PDE10A: variants seen among roughly 807,000 people sequenced by gnomAD.
PDE10A encodes cAMP and cAMP-inhibited cGMP 3',5'-cyclic phosphodiesterase 10A.
Under a neutral mutation model 97.7 loss-of-function variants are expected in PDE10A, and 39 were observed. The ratio of observed to expected loss-of-function variants is 0.40; its 90% CI spans 0.31 to 0.52. The LOEUF (loss-of-function observed/expected upper bound fraction) is 0.52, where lower values mean the gene tolerates loss of function less well. Among genes scored for constraint, PDE10A ranks in the 20% least tolerant of loss-of-function variants. The probability of loss-of-function intolerance (pLI) is 0.56; values close to 1 mark genes in which losing one functional copy is unlikely to be tolerated. For missense variants in PDE10A, 731 were observed against 1,047.8 expected (o/e 0.70, Z 4.17); for synonymous variants, 371 against 376.8 (o/e 0.98, Z 0.18).
At chr6:165,487,301 A>G (rs1379550623) in intron 2 of PDE10A, among the ~76,000 whole-genome samples, 1 of 152,122 alleles carries the variant, frequency 6.6e-6, no homozygotes, top group African/African-American at 2.4e-5. Flanking sequence ...GACTAAAATG[A>G]GATTACAGAG....
chr6:165,794,145 TCACA>T (rs1180696977), intron 1 of PDE10A, among the ~76,000 whole-genome samples: 8 of 149,606 alleles, frequency 5.3e-5, no homozygotes, highest in Non-Finnish European at 1.2e-4. Flanking sequence ...TCACACTCAC[TCACA>T]CACACTCACT....
At chr6:165,544,194 C>T (rs958561634) in intron 1 of PDE10A, among the ~76,000 whole-genome samples, 1 of 152,102 alleles carries the variant, frequency 6.6e-6, no homozygotes, top group Non-Finnish European at 1.5e-5. Context: ...CTTTTATTGC[C>T]TTACAACACA....
At chr6:165,540,718 C>T (rs1783383451) in intron 2 of PDE10A, among the ~76,000 whole-genome samples, 3 of 152,224 alleles carry the variant, frequency 2.0e-5, no homozygotes, top group African/African-American at 4.8e-5. Flanking sequence ...CAACCCACAC[C>T]TCCCAGGTTC....
Position 165,563,490 on chromosome 6 carries a change from T to C in PDE10A, c.866-19922A>G, listed in dbSNP as rs114412622. Among the ~76,000 whole-genome samples, 1,336 of 152,268 alleles carry C rather than the reference T, an allele frequency of 8.8e-3. 16 individuals carry two copies. Among genetic ancestry groups the C allele is most frequent in the African/African-American group, 0.031 (1,284 of 41,532 alleles). ...GAATGTTTCTTGAGTGATGCAGCCTTTCTCACCTATTTATCTAACATATAA... is the reference window on the plus strand; with the variant it reads ...GAATGTTTCTTGAGTGATGCAGCCTCTCTCACCTATTTATCTAACATATAA... On this transcript the variant is annotated intron_variant, in intron 1 of 21. Transcript: ENST00000539869.
intron 1 of PDE10A, among the ~76,000 whole-genome samples, chr6:165,884,239 G>A (rs960992763): frequency 1.3e-5 from 2 of 152,220 alleles, no homozygotes; most frequent in Non-Finnish European, 2.9e-5. Context: ...GCAAGGGTGG[G>A]GGACAGGAAG....
At chr6:165,697,429 C>A (rs895217512) in intron 1 of PDE10A, among the ~76,000 whole-genome samples, 4 of 152,162 alleles carry the variant, frequency 2.6e-5, no homozygotes, top group African/African-American at 9.7e-5. Context: ...AAAATAAATA[C>A]CTTTTCAGAC....
At chr6:165,942,259 T>C (rs1562808841) in intron 1 of PDE10A, among the ~76,000 whole-genome samples, 1 of 151,600 alleles carries the variant, frequency 6.6e-6, no homozygotes, top group African/African-American at 2.4e-5. Context: ...AAAATGCCAG[T>C]TTATGATTTT....
At chr6:165,764,794 C>A (rs976401316) in intron 1 of PDE10A, among the ~76,000 whole-genome samples, 2 of 152,160 alleles carry the variant, frequency 1.3e-5, no homozygotes, top group Non-Finnish European at 2.9e-5. Flanking sequence ...CGTGAAAGAA[C>A]AAACCTTCCA....
intron 1 of PDE10A, among the ~76,000 whole-genome samples, chr6:165,772,880 G>A (rs1778053651): frequency 6.6e-6 from 1 of 152,200 alleles, no homozygotes; most frequent in Admixed American, 6.5e-5. Context: ...CCTGCAAAAT[G>A]CAGAGACTCC....
rs182358937 is a variant in PDE10A, at chr6:165,736,029, G to T, written c.-614-192461C>A. ...TAAGCATTAACATAGACTTTTTTAC[G>T]CTATTATTCAGGAGTAATGGCAAAA... On this transcript the variant is annotated intron_variant, in intron 1 of 19. Coordinates refer to the PDE10A transcript ENST00000366882. 2.0e-5 allele frequency among the ~76,000 whole-genome samples: 3 copies of T among 152,228 alleles called. No individual in the cohort carries two copies. In the East Asian group the frequency reaches 5.8e-4, roughly 29 times the overall value.
At chr6:165,422,973 A>G (rs1788829996) in intron 10 of PDE10A, among the ~76,000 whole-genome samples, 1 of 152,220 alleles carries the variant, frequency 6.6e-6, no homozygotes, top group African/African-American at 2.4e-5. Flanking sequence ...TTCATTTATT[A>G]TCTTGTTGGT....
chr6:165,768,729 C>G (rs953153253), intron 1 of PDE10A, among the ~76,000 whole-genome samples: 4 of 152,074 alleles, frequency 2.6e-5, no homozygotes, highest in African/African-American at 9.7e-5. Flanking sequence ...TCACTTTTCC[C>G]TGAATGTCAT....
At chr6:165,511,293 TG>T (rs1781492992) in intron 2 of PDE10A, among the ~76,000 whole-genome samples, 1 of 152,006 alleles carries the variant, frequency 6.6e-6, no homozygotes, top group Admixed American at 6.6e-5. Flanking sequence ...AATGGTTATT[TG>T]GGAGTATCTT....
chr6:165,385,226 T>C (rs1004542221), intron 17 of PDE10A, among the ~76,000 whole-genome samples: 2 of 151,850 alleles, frequency 1.3e-5, no homozygotes, highest in African/African-American at 2.4e-5. Context: ...AAGGGAAAAA[T>C]GATGACTCTA....
intron 3 of PDE10A, among the ~76,000 whole-genome samples, chr6:165,475,039 C>A (rs1779219242): frequency 2.0e-5 from 3 of 152,152 alleles, no homozygotes; most frequent in Admixed American, 6.5e-5. Context: ...CACACATCTG[C>A]CAGGCTGGCC....
chr6:165,564,521 A>G (rs896567820), intron 1 of PDE10A, among the ~76,000 whole-genome samples: 2 of 152,210 alleles, frequency 1.3e-5, no homozygotes, highest in Non-Finnish European at 2.9e-5. Flanking sequence ...AATATCACCT[A>G]TGGCCACCTG....
intron 1 of PDE10A, among the ~76,000 whole-genome samples, chr6:165,623,931 G>T (rs57345708): frequency 0.1 from 15,972 of 152,192 alleles, 930 homozygotes; most frequent in Non-Finnish European, 0.13. Flanking sequence ...ATGCTTCTCT[G>T]GTTGCCTGCC....
intron 1 of PDE10A, among the ~76,000 whole-genome samples, chr6:165,670,752 C>T (rs1402158713): frequency 6.6e-6 from 1 of 152,104 alleles, no homozygotes; most frequent in Admixed American, 6.5e-5. Context: ...AAGGGGTAAA[C>T]AGGGTTTAAG....
In PDE10A at chr6:165,546,192, T is replaced by C. The variant is rs147017703; in HGVS notation, c.866-2624A>G. On this transcript the variant is annotated intron_variant, in intron 1 of 21. Coordinates refer to ENST00000539869, the MANE Select transcript of PDE10A (RefSeq NM_001385079.1). ...GATACATATTACACAATTCCAACTA[T>C]ACAACACTGGAGAAAAGGCATAAGC... is the stretch of plus-strand genomic sequence containing the variant. 5.1e-4 allele frequency among the ~76,000 whole-genome samples: 77 copies of C among 152,098 alleles called. 4 individuals carry two copies. The East Asian group carries it at 0.014, about 28-fold the overall frequency.
Sources: gnomAD v4.1 joint callset for allele counts (sites outside exome capture counted in the v4.1 genomes callset) on GRCh38, gnomAD v4.1.1 for gene constraint, MANE v1.5 for transcripts, NCBI Gene and HGNC (gene_info 2026-07-23, HGNC 2026-07-21) for gene names.